Variants in DACH2 observed in about 807,000 individuals in gnomAD.
DACH2 encodes the protein dachshund family transcription factor 2.
Under a neutral mutation model 35.8 loss-of-function variants are expected in DACH2, and 17 were observed. The ratio of observed to expected loss-of-function variants is 0.48; its 90% CI spans 0.33 to 0.71. The LOEUF (loss-of-function observed/expected upper bound fraction) is 0.71, where lower values mean the gene tolerates loss of function less well. Among genes scored for constraint, DACH2 ranks in the 30% least tolerant of loss-of-function variants. The pLI is 0.02. For missense variants in DACH2, 469 were observed against 472.7 expected (o/e 0.99, Z 0.07); for synonymous variants, 195 against 177.3 (o/e 1.10, Z -0.79).
chrX:86,250,445 A>G (rs2033376461), intron 1 of DACH2, among the ~76,000 whole-genome samples: 1 of 111,411 alleles, frequency 9.0e-6, no homozygotes, highest in African/African-American at 3.2e-5. Flanking sequence ...AGTTCAGAGT[A>G]TTGCTTCATT....
At chrX:86,431,538 C>T (rs1484696167) in intron 2 of DACH2, among the ~76,000 whole-genome samples, 3 of 111,206 alleles carry the variant, frequency 2.7e-5, no homozygotes, top group African/African-American at 9.8e-5. Flanking sequence ...TGTTGATTGG[C>T]ATAAGAAGTG....
chrX:86,468,669 G>A (rs1268986570), intron 2 of DACH2, among the ~76,000 whole-genome samples: 6 of 111,336 alleles, frequency 5.4e-5, no homozygotes, highest in South Asian at 3.7e-4. Context: ...AAATTTATAG[G>A]CCTACAAAAC....
chrX:86,742,937 T>C (rs919532036), intron 7 of DACH2, among the ~76,000 whole-genome samples: 10 of 111,372 alleles, frequency 9.0e-5, no homozygotes, highest in African/African-American at 3.3e-4. Flanking sequence ...CTGAAATTTT[T>C]CTGTGCATAT....
At chrX:86,401,739 A>C (rs1045459203) in intron 2 of DACH2, among the ~76,000 whole-genome samples, 19 of 110,698 alleles carry the variant, frequency 1.7e-4, no homozygotes, top group African/African-American at 3.9e-4. Context: ...GAAAAAAAAA[A>C]AACTTCAGAT....
chrX:86,445,363 T>G (rs1602527325), intron 2 of DACH2, among the ~76,000 whole-genome samples: 1 of 31,880 alleles, frequency 3.1e-5, no homozygotes. Flanking sequence ...TGTGGTGGGG[T>G]CGGGGGAGGG....
intron 1 of DACH2, among the ~76,000 whole-genome samples, chrX:86,271,814 T>C (rs1208392521): frequency 8.9e-6 from 1 of 111,966 alleles, no homozygotes; most frequent in African/African-American, 3.2e-5. Flanking sequence ...CCTCAAATAA[T>C]GCCTACTACA....
At chrX:86,374,087 G>T (rs141803227) in intron 1 of DACH2, among the ~76,000 whole-genome samples, 3 of 110,335 alleles carry the variant, frequency 2.7e-5, no homozygotes, top group Non-Finnish European at 5.7e-5. Context: ...CATGTGTCTC[G>T]CATGCTGTTT....
In DACH2 at chrX:86,514,352, G is replaced by C. The variant is rs769996433; in HGVS notation, c.601G>C (p.Val201Leu). The C allele has an allele frequency of 8.3e-7, 1 of 1,210,965 alleles. No individual in the cohort carries two copies. The highest frequency in any genetic ancestry group is 3.0e-5 in the East Asian group (1 of 33,782). ...QENARLLTHA[V>L]PGLLSPGLIT... ...AAATGCCCGCCTTCTGACCCATGCAGTCCCAGGCCTCTTATCGCCAGGACT... is the reference window on the plus strand; with the variant it reads ...AAATGCCCGCCTTCTGACCCATGCACTCCCAGGCCTCTTATCGCCAGGACT... Residue 201 changes from valine (V) to leucine (L), a missense_variant, in exon 3 of 12, where the codon GTC becomes CTC. Val to Leu is a conservative substitution (Grantham distance 32, BLOSUM62 1). Coordinates refer to ENST00000373125, the MANE Select transcript of DACH2 (RefSeq NM_053281.3).
intron 1 of DACH2, among the ~76,000 whole-genome samples, chrX:86,291,031 C>T (rs1490853340): frequency 3.8e-5 from 4 of 103,932 alleles, no homozygotes; most frequent in Non-Finnish European, 7.9e-5. Flanking sequence ...GCCATTTTCA[C>T]GATATTGATT....
chrX:86,280,933 G>C (rs1179634706), intron 1 of DACH2, among the ~76,000 whole-genome samples: 1 of 111,523 alleles, frequency 9.0e-6, no homozygotes, highest in Non-Finnish European at 1.9e-5. Flanking sequence ...AAATACAGGA[G>C]CACCCAGATT....
chrX:86,782,042 G>A (rs1764607265), intron 7 of DACH2, among the ~76,000 whole-genome samples: 1 of 111,560 alleles, frequency 9.0e-6, no homozygotes, highest in African/African-American at 3.3e-5. Flanking sequence ...GGCTAACAGT[G>A]AACAATGTGA....
intron 2 of DACH2, among the ~76,000 whole-genome samples, chrX:86,421,115 T>C (rs1360505168): frequency 3.6e-5 from 4 of 111,767 alleles, no homozygotes; most frequent in Non-Finnish European, 5.7e-5. Flanking sequence ...TATACACGTG[T>C]ACACGGATTT....
rs150833454 is a variant in DACH2, at chrX:86,543,670, T to G, written c.640+29279T>G. Reference sequence around the variant, plus strand: ...AGAGCTGAAAAATTCTTCAAGAATGTCAGAATACAGTTGCAATAGTTTACT... The same window carrying G: ...AGAGCTGAAAAATTCTTCAAGAATGGCAGAATACAGTTGCAATAGTTTACT... On this transcript the variant is annotated intron_variant, in intron 3 of 11. Coordinates refer to ENST00000373125, the MANE Select transcript of DACH2 (RefSeq NM_053281.3). Among the ~76,000 whole-genome samples, 264 of 110,370 alleles carry G rather than the reference T, an allele frequency of 2.4e-3. 1 individual carries two copies. Among genetic ancestry groups the G allele is most frequent in the Non-Finnish European group, 2.7e-3 (142 of 52,834 alleles).
chrX:86,748,829 T>C lies in DACH2; in HGVS notation c.1240+8947T>C, dbSNP rs778948765. Among the ~76,000 whole-genome samples the C allele has an allele frequency of 1.1e-4, 12 of 111,716 alleles. No homozygotes were observed. The East Asian group carries it at 3.4e-3, about 32-fold the overall frequency. On this transcript the variant is annotated intron_variant, in intron 7 of 11. Transcript: ENST00000373125. Reference sequence around the variant, plus strand: ...TATGATAGTCCTAGATGGCATCTTCTTCCAATATAAGGGTGTTTTGTCTAC... The same window carrying C: ...TATGATAGTCCTAGATGGCATCTTCCTCCAATATAAGGGTGTTTTGTCTAC...
chrX:86,328,091 A>G lies in DACH2; in HGVS notation c.489-48733A>G, dbSNP rs756358135. On this transcript the variant is annotated intron_variant, in intron 1 of 11. Transcript: ENST00000373125. ...TCATTTCTCATCAGAAATATCATTTACTATGACTACATACTAAAACATGAA... is the reference window on the plus strand; with the variant it reads ...TCATTTCTCATCAGAAATATCATTTGCTATGACTACATACTAAAACATGAA... Among the ~76,000 whole-genome samples the G allele has an allele frequency of 3.4e-4, 38 of 111,380 alleles. 1 individual carries two copies. Among genetic ancestry groups the G allele is most frequent in the Admixed American group, 1.2e-3 (12 of 10,400 alleles).
intron 4 of DACH2, among the ~76,000 whole-genome samples, chrX:86,683,326 T>C (rs759761445): frequency 2.7e-4 from 9 of 32,789 alleles, no homozygotes; most frequent in African/African-American, 1.7e-3. Context: ...CCCAGTCTTT[T>C]CTGTACAGAG....
chrX:86,166,011 A>C (rs185968595), intron 1 of DACH2, among the ~76,000 whole-genome samples: 1 of 111,611 alleles, frequency 9.0e-6, no homozygotes, highest in Admixed American at 9.5e-5. Context: ...ATTTTTGCAT[A>C]TGGTGAGACA....
intron 2 of DACH2, among the ~76,000 whole-genome samples, chrX:86,475,651 C>A (rs750413649): frequency 9.0e-6 from 1 of 111,531 alleles, no homozygotes; most frequent in Non-Finnish European, 1.9e-5. Context: ...TGACTTCTTC[C>A]TTTCCAAACT....
intron 1 of DACH2, among the ~76,000 whole-genome samples, chrX:86,256,002 T>C (rs1211266292): frequency 9.0e-6 from 1 of 110,959 alleles, no homozygotes; most frequent in East Asian, 2.9e-4. Flanking sequence ...TTGACAAAGG[T>C]GGAAATGAGC....
Sources: allele counts gnomAD v4.1 joint callset (sites outside exome capture counted in the v4.1 genomes callset), GRCh38; gene constraint gnomAD v4.1.1; transcripts MANE v1.5; gene names NCBI Gene and HGNC (gene_info 2026-07-23, HGNC 2026-07-21).